The following ANXA4 variants were observed in gnomAD, a reference collection of about 807,000 sequenced individuals.
ANXA4 encodes 35-beta calcimedin.
A neutral mutation model predicts 49.8 loss-of-function variants in ANXA4; 39 were observed. The ratio of observed to expected loss-of-function variants is 0.78; its 90% CI spans 0.61 to 1.02. The LOEUF is 1.02. ANXA4 is among the 50% of genes least tolerant of loss of function. ANXA4 has a pLI of 0.00. For synonymous variants in ANXA4, 134 were observed against 152.5 expected, an observed-to-expected ratio of 0.88 and a Z score of 0.89; for missense variants, 360 against 410.1, an observed-to-expected ratio of 0.88 and a Z score of 1.05.
rs1054107029 is a variant in ANXA4, at chr2:69,677,267, G to A, written n.766+23985G>A. On this transcript the variant is annotated intron_variant and non_coding_transcript_variant, in intron 2 of 3. Coordinates refer to the ANXA4 transcript ENST00000418066. ...TTTTTTTGAGACAGAGTCTCACTCTGTTGCCCAGACTGGAGTGCAATGGCC... is the reference window on the plus strand; with the variant it reads ...TTTTTTTGAGACAGAGTCTCACTCTATTGCCCAGACTGGAGTGCAATGGCC... Among the ~76,000 whole-genome samples, 11 of 152,004 alleles carry A rather than the reference G, an allele frequency of 7.2e-5. 1 individual carries two copies. The highest frequency in any genetic ancestry group is 3.3e-4 in the Admixed American group (5 of 15,252).
At chr2:69,773,639 T>G (rs1205442610) in intron 1 of ANXA4, among the ~76,000 whole-genome samples, 5 of 138,654 alleles carry the variant, frequency 3.6e-5, no homozygotes, top group Non-Finnish European at 6.2e-5. Flanking sequence ...TTTTTTTTTT[T>G]TTTTTTGTTT....
At chr2:69,694,124 C>G (rs936410649) in intron 2 of ANXA4, among the ~76,000 whole-genome samples, 29 of 152,272 alleles carry the variant, frequency 1.9e-4, no homozygotes, top group Middle Eastern at 3.4e-3. Context: ...CTGCAACATT[C>G]ATATTTAATC....
At chr2:69,771,000 G>C (rs1037377007) in intron 1 of ANXA4, among the ~76,000 whole-genome samples, 23 of 150,364 alleles carry the variant, frequency 1.5e-4, no homozygotes, top group Admixed American at 4.0e-4. Context: ...AGGCTGAGGC[G>C]GCAGGATCTC....
In ANXA4 at chr2:69,803,921, T is replaced by A. The variant is rs374301745; in HGVS notation, c.98-612T>A. On this transcript the variant is annotated intron_variant, in intron 3 of 12. Coordinates refer to ENST00000394295, the MANE Select transcript of ANXA4 (RefSeq NM_001153.5). The stretch of plus-strand genomic sequence containing the variant: ...GGGAGGCCGAGGAGGGCAGATCATT[T>A]GAGGTCAGGAGCTCAAGACCAGCCT... Among the ~76,000 whole-genome samples the A allele has an allele frequency of 9.9e-5, 15 of 152,218 alleles. 1 individual carries two copies. In the East Asian group the frequency reaches 1.9e-3, roughly 20 times the overall value.
chr2:69,787,237 G>A (rs1035319338), intron 2 of ANXA4, among the ~76,000 whole-genome samples: 2 of 152,116 alleles, frequency 1.3e-5, no homozygotes, highest in African/African-American at 2.4e-5. Flanking sequence ...AATTTCCATC[G>A]TCTCATAAAT....
At chr2:69,695,616 T>C (rs1272346617) in intron 2 of ANXA4, among the ~76,000 whole-genome samples, 1 of 152,164 alleles carries the variant, frequency 6.6e-6, no homozygotes, top group Non-Finnish European at 1.5e-5. Flanking sequence ...TGGCATCCCC[T>C]TGGGAGAAGC....
chr2:69,656,188 CGTAT>C (rs1290497635), intron 2 of ANXA4, among the ~76,000 whole-genome samples: 1,518 of 111,896 alleles, frequency 0.014, 41 homozygotes, highest in African/African-American at 0.055. Context: ...AATATATATA[CGTAT>C]ATATATATAT....
chr2:69,767,363 C>T (rs1287233901), intron 1 of ANXA4, among the ~76,000 whole-genome samples: 3 of 152,196 alleles, frequency 2.0e-5, no homozygotes, highest in Non-Finnish European at 4.4e-5. Flanking sequence ...CATGATGCAT[C>T]AGTAGTCTCT....
intron 2 of ANXA4, among the ~76,000 whole-genome samples, chr2:69,663,506 T>G (rs950149867): frequency 3.3e-5 from 5 of 151,706 alleles, no homozygotes; most frequent in Admixed American, 1.3e-4. Context: ...CTGAGAAAGA[T>G]CAGAAATGCT....
chr2:69,678,389 C>CTTTTTTTTTTTTTTTTTTTT (rs150952411), intron 2 of ANXA4, among the ~76,000 whole-genome samples: 1 of 78,366 alleles, frequency 1.3e-5, no homozygotes, highest in Non-Finnish European at 2.5e-5. Flanking sequence ...CTTTTCTTTT[C>CTTTTTTTTTTTTTTTTTTTT]TTTTTTTTTT....
At chr2:69,724,275 G>A (rs887448905) in intron 3 of ANXA4, among the ~76,000 whole-genome samples, 1 of 152,248 alleles carries the variant, frequency 6.6e-6, no homozygotes, top group Non-Finnish European at 1.5e-5. Flanking sequence ...GGTGCCAGGA[G>A]AAGGTACTAT....
intron 8 of ANXA4, among the ~76,000 whole-genome samples, chr2:69,814,501 T>C (rs1349811533): frequency 6.6e-6 from 1 of 151,762 alleles, no homozygotes; most frequent in Non-Finnish European, 1.5e-5. Context: ...TGTGCCATCA[T>C]GCCTGGCTAA....
chr2:69,789,610 C>T (rs756802685), intron 3 of ANXA4, among the ~76,000 whole-genome samples: 71 of 151,944 alleles, frequency 4.7e-4, no homozygotes, highest in African/African-American at 1.6e-3. Flanking sequence ...AGAGGGGTCC[C>T]GAGCGGGTTG....
At chr2:69,765,643 C>G (rs181843306) in intron 1 of ANXA4, among the ~76,000 whole-genome samples, 2 of 152,150 alleles carry the variant, frequency 1.3e-5, no homozygotes, top group South Asian at 4.1e-4. Context: ...TTCGTTCTAG[C>G]GTTTCATGTA....
intron 1 of ANXA4, among the ~76,000 whole-genome samples, chr2:69,652,227 A>G (rs1055884221): frequency 2.6e-5 from 4 of 151,394 alleles, no homozygotes; most frequent in Admixed American, 2.6e-4. Context: ...CCTGGCCTCG[A>G]ACTCCTCACC....
chr2:69,687,269 C>T (rs2105367046), intron 2 of ANXA4, among the ~76,000 whole-genome samples: 1 of 152,220 alleles, frequency 6.6e-6, no homozygotes, highest in Non-Finnish European at 1.5e-5. Context: ...TTTGGGAGGC[C>T]AACGTGGGCA....
At chr2:69,662,481 A>G (rs1006601552) in intron 2 of ANXA4, among the ~76,000 whole-genome samples, 2 of 152,064 alleles carry the variant, frequency 1.3e-5, no homozygotes. Context: ...GCCATCTTTC[A>G]TCAAGGCCAT....
At chr2:69,728,876 C>G (rs915172963) in intron 3 of ANXA4, among the ~76,000 whole-genome samples, 20 of 152,124 alleles carry the variant, frequency 1.3e-4, no homozygotes, top group African/African-American at 4.8e-4. Context: ...ATAGGTTTGT[C>G]AGTTTCTATA....
intron 2 of ANXA4, among the ~76,000 whole-genome samples, chr2:69,686,234 G>A (rs1196449737): frequency 2.0e-5 from 3 of 151,974 alleles, no homozygotes; most frequent in Admixed American, 6.6e-5. Flanking sequence ...GCCCAGGCTG[G>A]AGTGCAATGG....
Sources: gnomAD v4.1 joint callset for allele counts (sites outside exome capture counted in the v4.1 genomes callset) on GRCh38, gnomAD v4.1.1 for gene constraint, MANE v1.5 for transcripts, NCBI Gene and HGNC (gene_info 2026-07-23, HGNC 2026-07-21) for gene names.